CAB39: variants seen among roughly 807,000 people sequenced by gnomAD.
CAB39 encodes calcium binding protein 39.
Under a neutral mutation model 40.0 loss-of-function variants are expected in CAB39, and 8 were observed. The ratio of observed to expected loss-of-function variants is 0.20; its 90% CI spans 0.12 to 0.36. The LOEUF (loss-of-function observed/expected upper bound fraction) is 0.36. CAB39 is among the 10% of genes least tolerant of loss of function. CAB39 has a pLI of 1.00. For synonymous variants in CAB39, 156 were observed against 141.6 expected, an observed-to-expected ratio of 1.10 and a Z score of -0.72; for missense variants, 270 against 401.1, an observed-to-expected ratio of 0.67 and a Z score of 2.79.
chr2:230,810,139 C>A, intron 5 of CAB39, 124 bp from the exon 6 acceptor site: 2 of 555,396 alleles, frequency 3.6e-6, no homozygotes, highest in Non-Finnish European at 6.5e-6. Context: ...ACAATTCATG[C>A]TAAAATGTTA....
At chr2:230,725,057 T>C in intron 1 of CAB39, 1 of 1,483,458 alleles carries the variant, frequency 6.7e-7, no homozygotes, top group Non-Finnish European at 9.3e-7. Context: ...ATAGCAATCT[T>C]TTCCTTCGTA....
chr2:230,757,208 C>CA (rs906908556), intron 1 of CAB39, among the ~76,000 whole-genome samples: 2 of 152,136 alleles, frequency 1.3e-5, no homozygotes, highest in African/African-American at 4.8e-5. Flanking sequence ...GCTCCAGCCT[C>CA]AGCCTTCCAA....
chr2:230,798,627 G>A, intron 4 of CAB39, 102 bp from the exon 5 acceptor site: 1 of 913,614 alleles, frequency 1.1e-6, no homozygotes, highest in Non-Finnish European at 1.6e-6. Flanking sequence ...TAGGATACAT[G>A]TCTGAAAACT....
chr2:230,774,880 G>T (rs1329285493), intron 2 of CAB39, among the ~76,000 whole-genome samples: 2 of 152,024 alleles, frequency 1.3e-5, no homozygotes, highest in Admixed American at 1.3e-4. Context: ...GGGGTTGGGG[G>T]AGGTAGAAAG....
intron 1 of CAB39, among the ~76,000 whole-genome samples, chr2:230,729,158 G>A (rs966721787): frequency 3.9e-5 from 6 of 152,220 alleles, no homozygotes; most frequent in African/African-American, 1.2e-4. Flanking sequence ...ATTAGCCACA[G>A]AGCCTGGTTT....
chr2:230,731,347 A>G (rs1694685122), intron 1 of CAB39, among the ~76,000 whole-genome samples: 2 of 152,318 alleles, frequency 1.3e-5, no homozygotes, highest in Admixed American at 1.3e-4. Flanking sequence ...GTATATAGCC[A>G]GGTTGTTAAT....
rs1419133061 is a variant in CAB39, at chr2:230,819,251, C to CA, written c.*549dup. 9.2e-5 allele frequency: 14 copies of CA among 152,434 alleles called. No individual in the cohort carries two copies. The highest frequency in any genetic ancestry group is 3.4e-4 in the African/African-American group (14 of 41,438). 9.4% of individuals were successfully genotyped at this position (152,434 alleles called of 1,614,324 possible). A position where few individuals can be genotyped will look rare whatever the true frequency, so the allele number is the denominator to read the frequency against. ...CGAATAAATTGATACTGAAACTTAG[C>CA]AACTTCTTAAAAGTGTAAAGAAGCC... is the stretch of plus-strand genomic sequence containing the variant. On this transcript the variant is annotated 3_prime_UTR_variant, in exon 9 of 9. Coordinates refer to ENST00000258418, the MANE Select transcript of CAB39 (RefSeq NM_016289.4).
In CAB39 at chr2:230,782,809, C is replaced by CTTTTTTTTT. The variant is rs1408052300; in HGVS notation, c.115-8060_115-8059insTTTTTTTTT. On this transcript the variant is annotated intron_variant, in intron 2 of 8. Transcript: ENST00000258418. The stretch of plus-strand genomic sequence containing the variant: ...CTGCTGTTTCTTTCTTTCTTTCTTT[C>CTTTTTTTTT]TTTCTTTTTTTTTTTTTTTTTTTGA... 3.1e-3 allele frequency among the ~76,000 whole-genome samples: 352 copies of CTTTTTTTTT among 112,292 alleles called. 8 individuals carry two copies. Among genetic ancestry groups the CTTTTTTTTT allele is most frequent in the African/African-American group, 5.2e-3 (110 of 21,020 alleles). The allele number at this position is 112,292 out of a possible 152,430, so 73.7% of individuals were successfully genotyped here.
chr2:230,790,832 TG>T (rs1695880943), intron 2 of CAB39, 39 bp from the exon 3 acceptor site: 2 of 1,535,154 alleles, frequency 1.3e-6, no homozygotes, highest in Non-Finnish European at 1.8e-6. Flanking sequence ...TAAAATGAAT[TG>T]TTTTTTCTCC....
At chr2:230,716,401 A>G (rs949565390) in intron 1 of CAB39, among the ~76,000 whole-genome samples, 1 of 152,168 alleles carries the variant, frequency 6.6e-6, no homozygotes, top group African/African-American at 2.4e-5. Flanking sequence ...CAGATTGATG[A>G]CTAATCACTC....
chr2:230,784,384 GA>G (rs1474144626), intron 2 of CAB39, among the ~76,000 whole-genome samples: 1 of 152,182 alleles, frequency 6.6e-6, no homozygotes, highest in Non-Finnish European at 1.5e-5. Flanking sequence ...AGGCCTGGGA[GA>G]AAAGAACTGG....
intron 1 of CAB39, among the ~76,000 whole-genome samples, chr2:230,723,845 C>T (rs143479428): frequency 6.6e-6 from 1 of 152,220 alleles, no homozygotes; most frequent in East Asian, 1.9e-4. Flanking sequence ...AGGTGTTTCT[C>T]AGTTTGTTTC....
chr2:230,788,332 T>A (rs1695831148), intron 2 of CAB39, among the ~76,000 whole-genome samples: 1 of 152,062 alleles, frequency 6.6e-6, no homozygotes, highest in Non-Finnish European at 1.5e-5. Context: ...ATATACTACT[T>A]CAGTTATTAT....
At chr2:230,741,098 CCT>C (rs1292026075) in intron 1 of CAB39, among the ~76,000 whole-genome samples, 1 of 152,114 alleles carries the variant, frequency 6.6e-6, no homozygotes, top group Non-Finnish European at 1.5e-5. Context: ...CAGGCGGTCC[CCT>C]GATTAATTCC....
At chr2:230,716,393 G>T (rs896688350) in intron 1 of CAB39, among the ~76,000 whole-genome samples, 5 of 152,018 alleles carry the variant, frequency 3.3e-5, no homozygotes, top group African/African-American at 1.2e-4. Flanking sequence ...CTTTTTTCCA[G>T]ATTGATGACT....
intron 1 of CAB39, among the ~76,000 whole-genome samples, chr2:230,732,687 G>A (rs1054834905): frequency 3.9e-5 from 6 of 152,120 alleles, no homozygotes; most frequent in African/African-American, 7.2e-5. Context: ...GATTCTTGCC[G>A]CTGGGGGAAT....
At chr2:230,754,719 A>C (rs1046882873) in intron 1 of CAB39, among the ~76,000 whole-genome samples, 8 of 152,212 alleles carry the variant, frequency 5.3e-5, no homozygotes, top group Admixed American at 3.9e-4. Context: ...GGGTTTTGCC[A>C]TGTTGGCCAG....
chr2:230,768,013 AATG>A (rs1695417426), intron 2 of CAB39, among the ~76,000 whole-genome samples: 1 of 152,140 alleles, frequency 6.6e-6, no homozygotes, highest in Non-Finnish European at 1.5e-5. Context: ...CACTATACGT[AATG>A]ATATATGCTT....
intron 4 of CAB39, among the ~76,000 whole-genome samples, chr2:230,795,147 A>C (rs1243561467): frequency 6.6e-6 from 1 of 152,154 alleles, no homozygotes; most frequent in South Asian, 2.1e-4. Flanking sequence ...GTGGTGGCAC[A>C]CACCTGTAAT....
Sources: gnomAD v4.1 joint callset for allele counts (sites outside exome capture counted in the v4.1 genomes callset) on GRCh38, gnomAD v4.1.1 for gene constraint, MANE v1.5 for transcripts, NCBI Gene and HGNC (gene_info 2026-07-23, HGNC 2026-07-21) for gene names.